TIAM2: variants seen among roughly 807,000 people sequenced by gnomAD.
TIAM2 encodes TIAM Rac1 associated GEF 2.
In TIAM2, 80 loss-of-function variants were observed where a neutral mutation model predicts 152.9. The observed-to-expected ratio is 0.52, with a 90% CI of 0.44 to 0.63. The LOEUF (loss-of-function observed/expected upper bound fraction) is 0.63, where lower values mean the gene tolerates loss of function less well. Ranked by LOEUF, TIAM2 falls within the 30% of genes least tolerant of loss-of-function variation. The pLI is 0.00. For missense variants in TIAM2, 1,965 were observed against 2,120.1 expected (o/e 0.93, Z 1.44); for synonymous variants, 804 against 838.0 (o/e 0.96, Z 0.70).
chr6:155,143,129 G>A (rs1400163526), intron 5 of TIAM2, among the ~76,000 whole-genome samples: 4 of 152,182 alleles, frequency 2.6e-5, no homozygotes, highest in Admixed American at 6.5e-5. Context: ...GCACCCAGAT[G>A]GTGGTCATGT....
chr6:155,217,237 C>T (rs1276237739), intron 15 of TIAM2: 1 of 883,916 alleles, frequency 1.1e-6, no homozygotes, highest in East Asian at 6.4e-5. Flanking sequence ...AGATGCCTTT[C>T]TCCCCAGAAG....
At chr6:155,081,508 T>C (rs1778061033) in intron 1 of TIAM2, among the ~76,000 whole-genome samples, 1 of 152,138 alleles carries the variant, frequency 6.6e-6, no homozygotes, top group African/African-American at 2.4e-5. Context: ...GAAAATGCAC[T>C]TGGCTCAGTC....
At chr6:155,073,350 A>G (rs1583177562) in intron 1 of TIAM2, among the ~76,000 whole-genome samples, 1 of 151,750 alleles carries the variant, frequency 6.6e-6, no homozygotes. Context: ...TTTAGTGGAG[A>G]TGGGGTTTCA....
chr6:155,128,698 A>T (rs772646647), intron 3 of TIAM2, among the ~76,000 whole-genome samples: 8,752 of 67,720 alleles, frequency 0.13, 331 homozygotes, highest in Middle Eastern at 0.25. Context: ...CCATATCTTT[A>T]AAAAAAAAAA....
intron 1 of TIAM2, among the ~76,000 whole-genome samples, chr6:155,088,770 G>A (rs983021468): frequency 2.0e-5 from 3 of 152,170 alleles, no homozygotes; most frequent in East Asian, 1.9e-4. Flanking sequence ...ACACAAATTC[G>A]TAAAATTTCT....
At chr6:155,242,302 G>A (rs746505636) in intron 16 of TIAM2, among the ~76,000 whole-genome samples, 1 of 152,198 alleles carries the variant, frequency 6.6e-6, no homozygotes. Context: ...ACACACCACC[G>A]TTTCTTCATT....
intron 2 of TIAM2, among the ~76,000 whole-genome samples, chr6:155,105,728 G>A (rs1778670797): frequency 6.6e-6 from 1 of 152,042 alleles, no homozygotes; most frequent in South Asian, 2.1e-4. Context: ...TGGAATCACA[G>A]GCATGAGCCA....
chr6:155,244,940 TG>T, intron 18 of TIAM2, 157 bp downstream of exon 18: 1 of 976,972 alleles, frequency 1.0e-6, no homozygotes, highest in South Asian at 2.6e-5. Flanking sequence ...CTCTGTCAGG[TG>T]GTAAAGGAAG....
chr6:155,132,869 A>G (rs896679999), intron 4 of TIAM2, among the ~76,000 whole-genome samples: 1 of 152,178 alleles, frequency 6.6e-6, no homozygotes, highest in African/African-American at 2.4e-5. Flanking sequence ...GCATTCAGTG[A>G]CAGTTCCCAC....
intron 7 of TIAM2, among the ~76,000 whole-genome samples, chr6:155,163,178 T>C (rs1780320510): frequency 6.6e-6 from 1 of 152,198 alleles, no homozygotes; most frequent in Admixed American, 6.5e-5. Context: ...ATGGCAGAAC[T>C]AGAGATGCAA....
intron 12 of TIAM2, 71 bp from the exon 13 acceptor site, chr6:155,182,155 C>G (rs1780916833): frequency 8.1e-7 from 1 of 1,239,214 alleles, no homozygotes; most frequent in African/African-American, 1.5e-5. Flanking sequence ...CAAGGAGATA[C>G]TGCCGGTGTG....
At position 155,029,150 on chromosome 6, in the gene TIAM2, GTACTATGTGTTATATACACTA is replaced by G. The variant is rs1776727674; in HGVS notation, c.-209+33661_-209+33681del. Reference sequence around the variant, plus strand: ...GTACTATGTGTTATATACACTATATGTACTATGTGTTATATACACTATATGTACTATGTGTTATATACACTG... The same window carrying G: ...GTACTATGTGTTATATACACTATATGTATGTACTATGTGTTATATACACTG... On this transcript the variant is annotated intron_variant, in intron 1 of 26. Transcript: ENST00000682666. 5.4e-5 allele frequency among the ~76,000 whole-genome samples: 6 copies of G among 111,934 alleles called. 1 individual carries two copies. The highest frequency in any genetic ancestry group is 2.0e-4 in the African/African-American group (6 of 29,680). The allele number at this position is 111,934 out of a possible 152,430, so 73.4% of individuals were successfully genotyped here.
At chr6:155,016,814 C>T (rs560657041) in intron 1 of TIAM2, among the ~76,000 whole-genome samples, 16 of 152,242 alleles carry the variant, frequency 1.1e-4, no homozygotes, top group South Asian at 2.1e-4. Flanking sequence ...GCAGGAGAAT[C>T]GCTTGAACCT....
chr6:155,182,335 G>T lies in TIAM2; in HGVS notation c.2800+17G>T, dbSNP rs758063403. On this transcript the variant is annotated intron_variant, in intron 13 of 26. Transcript: ENST00000682666. Reference sequence around the variant, plus strand: ...ATGGGGAAGGTCCGTGTGGCACACCGTGCCCCTGTTGCCTCTTAATTTGAA... The same window carrying T: ...ATGGGGAAGGTCCGTGTGGCACACCTTGCCCCTGTTGCCTCTTAATTTGAA... 31 of 1,603,964 alleles carry T rather than the reference G, an allele frequency of 1.9e-5. No homozygotes were observed. Among genetic ancestry groups the T allele is most frequent in the Non-Finnish European group, 2.4e-5 (28 of 1,171,188 alleles).
At chr6:155,029,295 TATATGTACTATGTGTTATATATAC>T in intron 1 of TIAM2, among the ~76,000 whole-genome samples, 1 of 120,230 alleles carries the variant, frequency 8.3e-6, no homozygotes, top group South Asian at 2.4e-4. Flanking sequence ...TTATATATAC[TATATGTACTATGTGTTATATATAC>T]TATATGTACT....
At chr6:155,039,285 T>A (rs999588329) in intron 1 of TIAM2, among the ~76,000 whole-genome samples, 2 of 151,766 alleles carry the variant, frequency 1.3e-5, no homozygotes, top group African/African-American at 2.4e-5. Flanking sequence ...GAAAAAAAAA[T>A]ATGTTTTGGT....
Position 155,061,886 on chromosome 6 carries a change from C to T in TIAM2, c.-208-28403C>T, listed in dbSNP as rs543336220. 2.6e-5 allele frequency among the ~76,000 whole-genome samples: 4 copies of T among 152,206 alleles called. No individual in the cohort carries two copies. In the East Asian group the frequency reaches 5.8e-4, roughly 22 times the overall value. ...GTGGTGTACAGTTTTATGGGTTTTT[C>T]ACAAATGCATGGAGTCGTATAGCCA... is the stretch of plus-strand genomic sequence containing the variant. On this transcript the variant is annotated intron_variant, in intron 1 of 26. Coordinates refer to ENST00000682666, the MANE Select transcript of TIAM2 (RefSeq NM_012454.4).
intron 26 of TIAM2, chr6:155,254,781 C>T: frequency 1.8e-6 from 1 of 567,828 alleles, no homozygotes; most frequent in South Asian, 2.5e-5. Flanking sequence ...CCTTGTCTTC[C>T]TACCCGCTGA....
chr6:155,191,676 A>G (rs1781208822), intron 14 of TIAM2, among the ~76,000 whole-genome samples: 2 of 152,046 alleles, frequency 1.3e-5, no homozygotes, highest in South Asian at 4.2e-4. Flanking sequence ...CCTGTAGTTC[A>G]AGCTATCACT....
Sources: gnomAD v4.1 joint callset for allele counts (sites outside exome capture counted in the v4.1 genomes callset) on GRCh38, gnomAD v4.1.1 for gene constraint, MANE v1.5 for transcripts, NCBI Gene and HGNC (gene_info 2026-07-23, HGNC 2026-07-21) for gene names.